The following SRCIN1 variants were observed in gnomAD, a reference collection of about 807,000 sequenced individuals.
SRCIN1 encodes SRC kinase signaling inhibitor 1, also known as P130Cas-associated protein.
A neutral mutation model predicts 116.2 loss-of-function variants in SRCIN1; 50 were observed. The ratio of observed to expected loss-of-function variants is 0.43; its 90% confidence interval spans 0.34 to 0.54. The LOEUF (loss-of-function observed/expected upper bound fraction) is 0.54. Ranked by LOEUF, SRCIN1 falls within the 20% of genes least tolerant of loss-of-function variation. The pLI is 0.02. For synonymous variants in SRCIN1, 736 were observed against 750.0 expected, an observed-to-expected ratio of 0.98 and a Z score of 0.30; for missense variants, 1,446 against 1,672.0, an observed-to-expected ratio of 0.86 and a Z score of 2.36.
intron 1 of SRCIN1, chr17:38,601,008 G>A (rs58554354): frequency 6.6e-6 from 1 of 152,402 alleles, no homozygotes; most frequent in African/African-American, 2.4e-5. Flanking sequence ...GGCCGGGTGT[G>A]GGCGGCACCC....
chr17:38,573,523 C>T (rs896800424), intron 2 of SRCIN1, among the ~76,000 whole-genome samples: 12 of 152,212 alleles, frequency 7.9e-5, no homozygotes, highest in African/African-American at 2.7e-4. Flanking sequence ...TCAAGCGCTC[C>T]CCTTTCCTCC....
chr17:38,560,522 G>T, intron 7 of SRCIN1, 97 bp from the exon 8 acceptor site: 1 of 1,045,600 alleles, frequency 9.6e-7, no homozygotes, highest in Non-Finnish European at 1.4e-6. Flanking sequence ...AAGAAACACC[G>T]TCCCATCCCT....
At chr17:38,594,779 G>A (rs1215839717) in intron 1 of SRCIN1, among the ~76,000 whole-genome samples, 11 of 152,276 alleles carry the variant, frequency 7.2e-5, no homozygotes, top group African/African-American at 2.2e-4. Context: ...TGAACCCAGG[G>A]CAGGCTGACT....
At position 38,552,372 on chromosome 17, in the gene SRCIN1, AGGGTTCAGTAT is replaced by A; in HGVS notation, c.2480+64_2480+74del. The A allele has an allele frequency of 6.6e-7, 1 of 1,510,402 alleles. No homozygotes were observed. Among genetic ancestry groups the A allele is most frequent in the Non-Finnish European group, 8.8e-7 (1 of 1,130,956 alleles). 93.6% of individuals were successfully genotyped at this position (1,510,402 alleles called of 1,614,324 possible). On this transcript the variant is annotated intron_variant, in intron 13 of 18. Transcript: ENST00000617146. This position sits in a 1 kb window ranked among gnomAD's most constrained non-coding sequence, Gnocchi z 5.3. ...AGTGACCTTTGGGGGAGTTGGGGTAAGGGTTCAGTATGACCTATGGGTCTGGGCCCGGTGTG... is the reference window on the plus strand; with the variant it reads ...AGTGACCTTTGGGGGAGTTGGGGTAAGACCTATGGGTCTGGGCCCGGTGTG...
At position 38,572,409 on chromosome 17, in the gene SRCIN1, C is replaced by A. The variant is rs138848453; in HGVS notation, c.325-4178G>T. 6.6e-6 allele frequency among the ~76,000 whole-genome samples: 1 copy of A among 151,844 alleles called. No homozygotes were observed. Among genetic ancestry groups the A allele is most frequent in the Non-Finnish European group, 1.5e-5 (1 of 67,952 alleles). On this transcript the variant is annotated intron_variant, in intron 2 of 18. Coordinates refer to ENST00000617146, the MANE Select transcript of SRCIN1 (RefSeq NM_025248.3). The surrounding 1 kb of genome is among the most constrained non-coding windows in gnomAD (Gnocchi z 4.3). ...GGACGCTGGGGAAGAGGGCGCACCC[C>A]GGGAAGGTCATGACTTTCCGACGCT... is the stretch of plus-strand genomic sequence containing the variant.
At position 38,561,834 on chromosome 17, in the gene SRCIN1, C is replaced by T; in HGVS notation, c.1329G>A (p.Leu443=). 1 of 1,477,156 alleles carries T rather than the reference C, an allele frequency of 6.8e-7. No individual in the cohort carries two copies. The highest frequency in any genetic ancestry group is 2.7e-5 in the East Asian group (1 of 36,800). The allele number at this position is 1,477,156 out of a possible 1,614,324, so 91.5% of individuals were successfully genotyped here. The change falls in exon 7 of 19, where the codon CTG becomes CTA. Residue 443 remains leucine (L), a synonymous_variant. Coordinates refer to ENST00000617146, the MANE Select transcript of SRCIN1 (RefSeq NM_025248.3). ...RSLSTYSAAA[L]QSDLEDSLYK... is the part of the protein sequence containing the mutation. Reference sequence around the variant, plus strand: ...ACAGGGAGTCCTCCAGATCGGACTGCAGCGCGGCGGCCGAGTAGGTGCTGA... The same window carrying T: ...ACAGGGAGTCCTCCAGATCGGACTGTAGCGCGGCGGCCGAGTAGGTGCTGA...
In SRCIN1 at chr17:38,572,307, T is replaced by TC. The variant is rs908358519; in HGVS notation, c.325-4077dup. 2.2e-5 allele frequency among the ~76,000 whole-genome samples: 3 copies of TC among 135,846 alleles called. No homozygotes were observed. Among genetic ancestry groups the TC allele is most frequent in the African/African-American group, 5.6e-5 (2 of 35,844 alleles). The allele number at this position is 135,846 out of a possible 152,430, so 89.1% of individuals were successfully genotyped here. A position where few individuals can be genotyped will look rare whatever the true frequency, so the allele number is the denominator to read the frequency against. ...GCGATGTACATGCATGACCCTCTCT[T>TC]CCAGATGTGTGGATGACACCCTCAT... On this transcript the variant is annotated intron_variant, in intron 2 of 18. Coordinates refer to ENST00000617146, the MANE Select transcript of SRCIN1 (RefSeq NM_025248.3). The surrounding 1 kb of genome is among the most constrained non-coding windows in gnomAD (Gnocchi z 4.3).
intron 18 of SRCIN1, among the ~76,000 whole-genome samples, chr17:38,536,767 G>A (rs1301807324): frequency 6.6e-6 from 1 of 152,240 alleles, no homozygotes; most frequent in Non-Finnish European, 1.5e-5. Flanking sequence ...TGGGGATCAT[G>A]ACAAAATCTA....
chr17:38,550,863 T>C (rs1279127306), intron 15 of SRCIN1, among the ~76,000 whole-genome samples: 1 of 152,220 alleles, frequency 6.6e-6, no homozygotes, highest in African/African-American at 2.4e-5. Context: ...GTTTGGGGCA[T>C]GTGCCCAGCC....
chr17:38,593,671 A>G (rs752023678), intron 1 of SRCIN1, among the ~76,000 whole-genome samples: 1 of 152,142 alleles, frequency 6.6e-6, no homozygotes, highest in Non-Finnish European at 1.5e-5. Context: ...AGCACCCAAT[A>G]AATACTGGCC....
chr17:38,584,528 C>A (rs550191331), intron 1 of SRCIN1, among the ~76,000 whole-genome samples: 2 of 151,532 alleles, frequency 1.3e-5, no homozygotes, highest in Admixed American at 6.6e-5. Context: ...AAGTGGCGGG[C>A]GCCCCCCAGT....
intron 11 of SRCIN1, among the ~76,000 whole-genome samples, chr17:38,555,690 C>T (rs117286154): frequency 2.8e-3 from 422 of 152,300 alleles, no homozygotes; most frequent in Non-Finnish European, 4.7e-3. Context: ...TGACATCAGC[C>T]ATTGGTTCTG....
At position 38,530,503 on chromosome 17, in the gene SRCIN1, G is replaced by A. The variant is rs1455382467; in HGVS notation, c.*2794C>T. 1 of 152,502 alleles carries A rather than the reference G, an allele frequency of 6.6e-6. No homozygotes were observed. Among genetic ancestry groups the A allele is most frequent in the African/African-American group, 2.4e-5 (1 of 41,428 alleles). 9.4% of individuals were successfully genotyped at this position (152,502 alleles called of 1,614,324 possible). A position where few individuals can be genotyped will look rare whatever the true frequency, so the allele number is the denominator to read the frequency against. On this transcript the variant is annotated 3_prime_UTR_variant, in exon 19 of 19. Transcript: ENST00000617146. ...GAGCAGCGAGGCGCATGCAGCTGGG[G>A]GCACTGATGTGCTGCAGGCTGTGAG...
intron 3 of SRCIN1, among the ~76,000 whole-genome samples, chr17:38,566,470 G>A (rs1296476573): frequency 2.0e-5 from 3 of 152,120 alleles, no homozygotes; most frequent in Non-Finnish European, 4.4e-5. Context: ...GATGGCAGAA[G>A]AACAAAACAG....
At position 38,552,239 on chromosome 17, in the gene SRCIN1, G is replaced by A. The variant is rs1195496182; in HGVS notation, c.2481-107C>T. On this transcript the variant is annotated intron_variant, in intron 13 of 18. Coordinates refer to ENST00000617146, the MANE Select transcript of SRCIN1 (RefSeq NM_025248.3). The surrounding 1 kb of genome is among the most constrained non-coding windows in gnomAD (Gnocchi z 5.3). ...GGTGGGAGGCAGGCTCTGGGATGCTGTGGGAGGGCCTGGGGAGGAGTGACT... is the reference window on the plus strand; with the variant it reads ...GGTGGGAGGCAGGCTCTGGGATGCTATGGGAGGGCCTGGGGAGGAGTGACT... 1.3e-6 allele frequency: 2 copies of A among 1,504,950 alleles called. No homozygotes were observed. Among genetic ancestry groups the A allele is most frequent in the African/African-American group, 1.4e-5 (1 of 72,064 alleles). 93.2% of individuals were successfully genotyped at this position (1,504,950 alleles called of 1,614,324 possible). A position where few individuals can be genotyped will look rare whatever the true frequency, so the allele number is the denominator to read the frequency against.
chr17:38,552,704 A>C lies in SRCIN1; in HGVS notation c.2332+21T>G. On this transcript the variant is annotated intron_variant, in intron 12 of 18. Coordinates refer to ENST00000617146, the MANE Select transcript of SRCIN1 (RefSeq NM_025248.3). The surrounding 1 kb of genome is among the most constrained non-coding windows in gnomAD (Gnocchi z 5.3). The stretch of plus-strand genomic sequence containing the variant: ...TTCCCCACCCTGAACAACGTGCTGC[A>C]TTCGCAGGCCCCAGACCCACCCTTG... The C allele has an allele frequency of 6.2e-7, 1 of 1,613,234 alleles. No individual in the cohort carries two copies. Among genetic ancestry groups the C allele is most frequent in the Non-Finnish European group, 8.5e-7 (1 of 1,179,542 alleles).
At position 38,563,349 on chromosome 17, in the gene SRCIN1, G is replaced by A. The variant is rs868705738; in HGVS notation, c.714C>T (p.Asn238=). Residue 238 remains asparagine, a synonymous_variant, in exon 5 of 19, where the codon AAC becomes AAT. Coordinates refer to ENST00000617146, the MANE Select transcript of SRCIN1 (RefSeq NM_025248.3). The surrounding 1 kb of genome is among the most constrained non-coding windows in gnomAD (Gnocchi z 5.8). ...GGACGTCCTCCAGCTCGTAGAAGAC[G>A]TTGCGAGCCTCGTCTTTGATGAGGA... ...TAILIKDEAR[N]VFYELEDVRD... 1 of 1,577,728 alleles carries A rather than the reference G, an allele frequency of 6.3e-7. No homozygotes were observed.
intron 2 of SRCIN1, among the ~76,000 whole-genome samples, chr17:38,574,532 A>C (rs983338516): frequency 6.6e-6 from 1 of 152,186 alleles, no homozygotes; most frequent in Admixed American, 6.5e-5. Context: ...GGAATAAGAT[A>C]GTCCTCAGTG....
intron 17 of SRCIN1, chr17:38,546,528 C>T (rs775387632): frequency 1.3e-5 from 2 of 152,316 alleles, no homozygotes; most frequent in African/African-American, 4.8e-5. Context: ...CTCCGTTGCC[C>T]GATGCTGCCG....
Sources: allele counts gnomAD v4.1 joint callset (sites outside exome capture counted in the v4.1 genomes callset), GRCh38; gene constraint gnomAD v4.1.1; non-coding constraint Gnocchi (gnomAD v3.1); transcripts MANE v1.5; gene names NCBI Gene and HGNC (gene_info 2026-07-23, HGNC 2026-07-21).